SLC9A2: variants seen among roughly 807,000 people sequenced by gnomAD.
SLC9A2 encodes the protein solute carrier family 9 member A2.
SLC9A2 carries 42 observed loss-of-function variants against 71.7 expected under a neutral mutation model. The observed-to-expected ratio is 0.59, with a 90% CI of 0.46 to 0.76. The LOEUF is 0.76. Among genes scored for constraint, SLC9A2 ranks in the 30% least tolerant of loss-of-function variants. SLC9A2 has a pLI of 0.00. For synonymous variants in SLC9A2, 396 were observed against 392.5 expected (o/e 1.01, Z -0.10); for missense variants, 829 against 1,017.4 (o/e 0.81, Z 2.52).
chr2:102,667,536 G>A (rs192579379), intron 3 of SLC9A2, among the ~76,000 whole-genome samples: 2 of 152,306 alleles, frequency 1.3e-5, no homozygotes, highest in East Asian at 1.9e-4. Flanking sequence ...CATCCCCCAT[G>A]TCGGTGATGG....
In SLC9A2 at chr2:102,619,748, C is replaced by T; in HGVS notation, c.-101C>T. The T allele has an allele frequency of 8.6e-7, 1 of 1,164,538 alleles. No homozygotes were observed. The highest frequency in any genetic ancestry group is 1.1e-6 in the Non-Finnish European group (1 of 873,052). 72.1% of individuals were successfully genotyped at this position (1,164,538 alleles called of 1,614,324 possible). On this transcript the variant is annotated 5_prime_UTR_variant, in exon 1 of 12. Coordinates refer to ENST00000233969, the MANE Select transcript of SLC9A2 (RefSeq NM_003048.6). This position sits in a 1 kb window ranked among gnomAD's most constrained non-coding sequence, Gnocchi z 4.3. ...GGCGGGTGGCTGTCGCTGCCCTGCC[C>T]TGCACGGGGCAGGGCGGAGCGGGCT...
intron 3 of SLC9A2, among the ~76,000 whole-genome samples, chr2:102,680,278 T>C (rs1677428288): frequency 6.6e-6 from 1 of 152,182 alleles, no homozygotes; most frequent in African/African-American, 2.4e-5. Context: ...TTCAGATTCT[T>C]AATCTAATCT....
At chr2:102,687,154 T>C (rs1158685870) in intron 5 of SLC9A2, among the ~76,000 whole-genome samples, 4 of 152,170 alleles carry the variant, frequency 2.6e-5, no homozygotes, top group Non-Finnish European at 2.9e-5. Context: ...TATCTTCTTT[T>C]TCCTTTTCTC....
intron 5 of SLC9A2, among the ~76,000 whole-genome samples, chr2:102,689,964 T>G (rs1677627229): frequency 6.6e-6 from 1 of 152,152 alleles, no homozygotes; most frequent in Admixed American, 6.5e-5. Flanking sequence ...CACATATATA[T>G]GAGTCTGGAA....
In SLC9A2 at chr2:102,708,464, C is replaced by A; in HGVS notation, c.2414C>A (p.Ala805Asp). Residue 805 changes from alanine to aspartate, a missense_variant, in exon 12 of 12, where the codon GCC becomes GAC. Physicochemically the swap from Ala to Asp is moderately radical, Grantham distance 126. This residue lies in a region of SLC9A2 where 223 missense variants were observed against 197.5 expected (regional missense o/e 1.13). Coordinates refer to ENST00000233969, the MANE Select transcript of SLC9A2 (RefSeq NM_003048.6). ...GCATCGGAACCTGGAAGCCGGAAAG[C>A]CCGATTTGGGAGTGAGAAGCCTTAA... ...WRASEPGSRKARFGSEKP is the reference protein window; with the variant it reads ...WRASEPGSRKDRFGSEKP 6.2e-7 allele frequency: 1 copy of A among 1,614,084 alleles called. No individual in the cohort carries two copies. Among genetic ancestry groups the A allele is most frequent in the Non-Finnish European group, 8.5e-7 (1 of 1,179,982 alleles).
rs776856146 is a variant in SLC9A2 at position 102,657,901 on chromosome 2, C to G, written c.627C>G (p.Leu209=). The G allele has an allele frequency of 1.2e-6, 2 of 1,614,242 alleles. No individual in the cohort carries two copies. The highest frequency in any genetic ancestry group is 1.1e-5 in the South Asian group (1 of 91,088). ...ACATCACTTTGCTCCAGAACCTGCT[C>G]TTTGGCAGCTTAATCTCAGCTGTCG... The part of the protein sequence containing the change: ...LSDITLLQNL[L]FGSLISAVDP... The change falls in exon 2 of 12, where the codon CTC becomes CTG. Residue 209 remains leucine, a synonymous_variant. Transcript: ENST00000233969.
intron 9 of SLC9A2, among the ~76,000 whole-genome samples, chr2:102,703,030 G>T (rs1354267514): frequency 6.6e-6 from 1 of 152,112 alleles, no homozygotes; most frequent in African/African-American, 2.4e-5. Context: ...AGTGGTAGGT[G>T]TTACTGTTGT....
At chr2:102,643,614 C>A (rs1370469943) in intron 1 of SLC9A2, among the ~76,000 whole-genome samples, 1 of 152,188 alleles carries the variant, frequency 6.6e-6, no homozygotes, top group Non-Finnish European at 1.5e-5. Context: ...CTCCAGCCAG[C>A]ATTTCTTCTG....
rs1380633213 is a variant in SLC9A2, at chr2:102,711,080, C to T, written c.*2591C>T. The T allele has an allele frequency of 6.6e-6, 1 of 152,316 alleles. No individual in the cohort carries two copies. Among genetic ancestry groups the T allele is most frequent in the African/African-American group, 2.4e-5 (1 of 41,426 alleles). The allele number at this position is 152,316 out of a possible 1,614,324, so 9.4% of individuals were successfully genotyped here. ...AAAATGTCTGTGAAGAGATTTCTTT[C>T]AGCTTTTGCTCAGCTTTATGGTGGG... On this transcript the variant is annotated 3_prime_UTR_variant, in exon 12 of 12. Transcript: ENST00000233969.
chr2:102,665,761 A>G (rs6726979), intron 3 of SLC9A2, among the ~76,000 whole-genome samples: 82,716 of 130,002 alleles, frequency 0.64, 26,935 homozygotes, highest in East Asian at 0.86. Context: ...GCCACACAGC[A>G]AGACTCTGTC....
chr2:102,662,092 T>C (rs919584513), intron 2 of SLC9A2, among the ~76,000 whole-genome samples: 1 of 152,164 alleles, frequency 6.6e-6, no homozygotes, highest in South Asian at 2.1e-4. Context: ...ACCTGAGATA[T>C]TAGCTCTGAC....
In SLC9A2 at chr2:102,701,224, T is replaced by C. The variant is rs372340067; in HGVS notation, c.1741T>C (p.Ser581Pro). The change falls in exon 8 of 12, where the codon TCT becomes CCT. Residue 581 changes from serine to proline, a missense_variant. By Grantham distance (74) the Ser-to-Pro change is moderately conservative. Transcript: ENST00000233969. ...GMISTVPTFA[S>P]LNDCREEKIR... is the part of the protein sequence containing the mutation. ...GATAAGTACTGTCCCTACATTTGCA[T>C]CTCTAAAGTAAGTATGGTCTTGCAA... 103 of 1,594,754 alleles carry C rather than the reference T, an allele frequency of 6.5e-5. 1 individual carries two copies. The highest frequency in any genetic ancestry group is 8.3e-5 in the Non-Finnish European group (97 of 1,173,878).
At chr2:102,645,261 C>T (rs1270373285) in intron 1 of SLC9A2, among the ~76,000 whole-genome samples, 1 of 152,082 alleles carries the variant, frequency 6.6e-6, no homozygotes, top group Non-Finnish European at 1.5e-5. Flanking sequence ...TCAACATCAA[C>T]AAAAAGGATG....
chr2:102,681,561 A>C (rs780451169), intron 3 of SLC9A2, among the ~76,000 whole-genome samples: 6 of 152,230 alleles, frequency 3.9e-5, no homozygotes, highest in Non-Finnish European at 8.8e-5. Context: ...GCCTGGCACA[A>C]AGTAAAGGTG....
chr2:102,663,518 A>T (rs1421996888), intron 2 of SLC9A2, among the ~76,000 whole-genome samples: 1 of 152,152 alleles, frequency 6.6e-6, no homozygotes, highest in African/African-American at 2.4e-5. Context: ...AAAAAGTGAG[A>T]TGGCATTTGC....
In SLC9A2 at chr2:102,637,405, T is replaced by C. The variant is rs150410402; in HGVS notation, c.289+17268T>C. On this transcript the variant is annotated intron_variant, in intron 1 of 11. Transcript: ENST00000233969. ...GAAAACTGGCCAGTGCCATCGTTAT[T>C]ATTTCCTGGGGCACAGTTGCAGTGC... Among the ~76,000 whole-genome samples the C allele has an allele frequency of 1.2e-3, 180 of 152,340 alleles. 3 individuals are homozygous for C. Among genetic ancestry groups the C allele is most frequent in the African/African-American group, 3.7e-3 (154 of 41,584 alleles).
At chr2:102,653,389 T>C (rs1346551080) in intron 1 of SLC9A2, among the ~76,000 whole-genome samples, 1 of 152,242 alleles carries the variant, frequency 6.6e-6, no homozygotes, top group African/African-American at 2.4e-5. Context: ...TTGTTACCCC[T>C]GGATTTTCCT....
intron 3 of SLC9A2, among the ~76,000 whole-genome samples, chr2:102,666,408 A>G (rs13402591): frequency 2.6e-5 from 4 of 152,092 alleles, no homozygotes; most frequent in Non-Finnish European, 4.4e-5. Context: ...CGTGTGAGCC[A>G]GTATGGTCTC....
At chr2:102,691,801 G>T (rs546084480) in intron 5 of SLC9A2, among the ~76,000 whole-genome samples, 1 of 152,092 alleles carries the variant, frequency 6.6e-6, no homozygotes, top group Non-Finnish European at 1.5e-5. Flanking sequence ...TTATGGTAGC[G>T]CATTCACTTC....
Sources: allele counts gnomAD v4.1 joint callset (sites outside exome capture counted in the v4.1 genomes callset), GRCh38; gene constraint gnomAD v4.1.1; regional missense constraint gnomAD v4.1.1; non-coding constraint Gnocchi (gnomAD v3.1); transcripts MANE v1.5; gene names NCBI Gene and HGNC (gene_info 2026-07-23, HGNC 2026-07-21).